The following BABAM2 variants were observed in gnomAD, a reference collection of about 807,000 sequenced individuals.
BABAM2 encodes BRISC and BRCA1-A complex member 2.
In BABAM2, 31 loss-of-function variants were observed where a neutral mutation model predicts 54.7. That is an observed-to-expected ratio of 0.57 (90% CI 0.43 to 0.77). BABAM2 has a LOEUF of 0.77. BABAM2 is among the 30% of genes least tolerant of loss of function. The pLI, the probability that BABAM2 is intolerant of heterozygous loss-of-function variation, is 0.00. For missense variants in BABAM2, 364 were observed against 455.8 expected (o/e 0.80, Z 1.83); for synonymous variants, 167 against 162.9 (o/e 1.03, Z -0.19).
At chr2:28,095,779 A>G (rs1450609508) in intron 6 of BABAM2, among the ~76,000 whole-genome samples, 4 of 152,202 alleles carry the variant, frequency 2.6e-5, no homozygotes, top group Non-Finnish European at 5.9e-5. Flanking sequence ...TAATTCCGAC[A>G]GCTGTCTCTG....
intron 6 of BABAM2, among the ~76,000 whole-genome samples, chr2:28,062,682 A>G (rs944859214): frequency 6.6e-6 from 1 of 152,058 alleles, no homozygotes; most frequent in South Asian, 2.1e-4. Context: ...GCTCACATCA[A>G]TGTAGAGTAA....
intron 7 of BABAM2, among the ~76,000 whole-genome samples, chr2:28,178,778 A>G (rs1002744199): frequency 3.3e-5 from 5 of 151,992 alleles, no homozygotes; most frequent in African/African-American, 1.2e-4. Context: ...AGACCCAAAT[A>G]AACAAAATCA....
chr2:28,158,153 A>T (rs1038760742), intron 7 of BABAM2, among the ~76,000 whole-genome samples: 1 of 152,250 alleles, frequency 6.6e-6, no homozygotes, highest in Non-Finnish European at 1.5e-5. Flanking sequence ...CTCAATAGGT[A>T]AAAGAGCAAT....
At chr2:28,126,838 A>AC (rs1669588350) in intron 6 of BABAM2, among the ~76,000 whole-genome samples, 1 of 149,506 alleles carries the variant, frequency 6.7e-6, no homozygotes, top group African/African-American at 2.5e-5. Flanking sequence ...TGCCATTCTA[A>AC]TTGGTGTGAG....
intron 11 of BABAM2, among the ~76,000 whole-genome samples, chr2:28,301,608 C>G (rs1039629610): frequency 3.9e-5 from 6 of 152,184 alleles, no homozygotes; most frequent in African/African-American, 1.4e-4. Context: ...TACCTCAGTG[C>G]CTTTGCTCAC....
At chr2:28,192,346 A>T (rs1437144096) in intron 7 of BABAM2, among the ~76,000 whole-genome samples, 1 of 151,662 alleles carries the variant, frequency 6.6e-6, no homozygotes, top group East Asian at 2.0e-4. Context: ...GAGATTGTAT[A>T]TTACCTTTAA....
chr2:28,009,901 T>A (rs893798954), intron 4 of BABAM2, among the ~76,000 whole-genome samples: 2 of 152,136 alleles, frequency 1.3e-5, no homozygotes, highest in African/African-American at 2.4e-5. Context: ...CCAGCATTCA[T>A]ATGATACCAC....
At chr2:28,124,655 T>C (rs1034711787) in intron 6 of BABAM2, among the ~76,000 whole-genome samples, 9 of 152,226 alleles carry the variant, frequency 5.9e-5, no homozygotes, top group African/African-American at 1.9e-4. Flanking sequence ...TTCATTCAGC[T>C]AACATTGAGT....
At chr2:28,208,635 CTTTCTTTCCTTTCT>C (rs542196317) in intron 7 of BABAM2, among the ~76,000 whole-genome samples, 133 of 138,546 alleles carry the variant, frequency 9.6e-4, no homozygotes, top group African/African-American at 3.0e-3. Flanking sequence ...CTTCCTCTTT[CTTTCTTTCCTTTCT>C]TTTCTTTCCT....
At chr2:28,100,716 A>AT (rs1461232684) in intron 6 of BABAM2, among the ~76,000 whole-genome samples, 3 of 152,164 alleles carry the variant, frequency 2.0e-5, no homozygotes, top group Non-Finnish European at 2.9e-5. Context: ...ACTTGTTGAG[A>AT]TTTTGTGCCT....
intron 3 of BABAM2, among the ~76,000 whole-genome samples, chr2:27,943,981 A>G (rs1262423587): frequency 1.3e-5 from 2 of 152,150 alleles, no homozygotes; most frequent in Admixed American, 6.6e-5. Flanking sequence ...GGTTAGAAGA[A>G]ATATATTAGG....
chr2:27,976,743 C>CCT (rs1165076406), intron 3 of BABAM2, among the ~76,000 whole-genome samples: 1 of 151,964 alleles, frequency 6.6e-6, no homozygotes, highest in Non-Finnish European at 1.5e-5. Context: ...TTTATGTCAC[C>CCT]TTTTTTCTTT....
At chr2:28,002,474 A>G (rs1040597960) in intron 4 of BABAM2, among the ~76,000 whole-genome samples, 4 of 152,130 alleles carry the variant, frequency 2.6e-5, no homozygotes, top group Non-Finnish European at 5.9e-5. Flanking sequence ...ACTTGTCCAT[A>G]TATTTGTTAT....
chr2:28,211,287 T>C (rs1217552256), intron 7 of BABAM2, among the ~76,000 whole-genome samples: 4 of 151,674 alleles, frequency 2.6e-5, no homozygotes, highest in Non-Finnish European at 4.4e-5. Flanking sequence ...CAAGCATACA[T>C]AGAACAAGAG....
rs564913150 is a variant in BABAM2, at chr2:28,245,296, G to C, written c.934+434G>C. On this transcript the variant is annotated intron_variant, in intron 10 of 11. Transcript: ENST00000379624. Reference sequence around the variant, plus strand: ...GTTTCTAATTATCTTTCCAGTATCAGGCCTCAAGACTTTTGGTATTATTGG... The same window carrying C: ...GTTTCTAATTATCTTTCCAGTATCACGCCTCAAGACTTTTGGTATTATTGG... Among the ~76,000 whole-genome samples the C allele has an allele frequency of 5.9e-5, 9 of 152,184 alleles. No individual in the cohort carries two copies. In the South Asian group the frequency reaches 1.9e-3, roughly 32 times the overall value.
intron 8 of BABAM2, among the ~76,000 whole-genome samples, chr2:28,241,027 G>A (rs771048132): frequency 1.9e-4 from 29 of 152,030 alleles, no homozygotes; most frequent in Non-Finnish European, 3.2e-4. Flanking sequence ...TACAATAATG[G>A]TATTGTGGTT....
intron 6 of BABAM2, among the ~76,000 whole-genome samples, chr2:28,094,975 CT>C (rs1320693852): frequency 6.6e-6 from 1 of 151,102 alleles, no homozygotes; most frequent in Non-Finnish European, 1.5e-5. Flanking sequence ...TTAAATCACC[CT>C]TTGTAGGGGA....
intron 4 of BABAM2, 127 bp from the exon 5 acceptor site, chr2:28,025,099 A>G: frequency 2.5e-6 from 2 of 793,072 alleles, no homozygotes; most frequent in Non-Finnish European, 3.8e-6. Flanking sequence ...TATATGGCTA[A>G]GGAGGAGTAG....
intron 7 of BABAM2, among the ~76,000 whole-genome samples, chr2:28,172,588 C>T (rs961571334): frequency 6.6e-6 from 1 of 152,128 alleles, no homozygotes; most frequent in Non-Finnish European, 1.5e-5. Context: ...CTTATGTTTC[C>T]CTGTGAAGAA....
Sources: allele counts gnomAD v4.1 joint callset (sites outside exome capture counted in the v4.1 genomes callset), GRCh38; gene constraint gnomAD v4.1.1; transcripts MANE v1.5; gene names NCBI Gene and HGNC (gene_info 2026-07-23, HGNC 2026-07-21).